PCDHGC4: variants seen among roughly 807,000 people sequenced by gnomAD.
PCDHGC4 encodes the protein protocadherin gamma subfamily C, 4, also known as protocadherin gamma-C4.
Under a neutral mutation model 59.7 loss-of-function variants are expected in PCDHGC4, and 15 were observed. That is an observed-to-expected ratio of 0.25 (90% CI 0.17 to 0.39). The LOEUF is 0.39. PCDHGC4 is among the 10% of genes least tolerant of loss of function. PCDHGC4 has a pLI of 1.00. For synonymous variants in PCDHGC4, 434 were observed against 481.4 expected (o/e 0.90, Z 1.29); for missense variants, 1,016 against 1,189.5 (o/e 0.85, Z 2.15).
At chr5:141,497,212 G>C (rs968445663) in intron 2 of PCDHGC4, among the ~76,000 whole-genome samples, 2 of 151,018 alleles carry the variant, frequency 1.3e-5, no homozygotes, top group East Asian at 3.9e-4. Context: ...AGTGTAATGG[G>C]GGGGGGAAGA....
At chr5:141,507,178 G>A (rs548016031) in intron 3 of PCDHGC4, 4 of 152,350 alleles carry the variant, frequency 2.6e-5, no homozygotes, top group East Asian at 3.9e-4. Flanking sequence ...CCTCTTCCTC[G>A]AGCTCTGCTT....
chr5:141,491,898 G>A lies in PCDHGC4; in HGVS notation c.2443-2909G>A, dbSNP rs772673872. 1.6e-5 allele frequency: 23 copies of A among 1,428,816 alleles called. No homozygotes were observed. The highest frequency in any genetic ancestry group is 3.0e-5 in the South Asian group (2 of 66,966). The allele number at this position is 1,428,816 out of a possible 1,614,324, so 88.5% of individuals were successfully genotyped here. A position where few individuals can be genotyped will look rare whatever the true frequency, so the allele number is the denominator to read the frequency against. ...ATTAAGGGATGGGGCTCCGAGCACC[G>A]GGGGTGGTGGCGACTGTGGGCGAGG... On this transcript the variant is annotated intron_variant, in intron 1 of 3. Coordinates refer to ENST00000306593, the MANE Select transcript of PCDHGC4 (RefSeq NM_018928.3). This position sits in a 1 kb window ranked among gnomAD's most constrained non-coding sequence, Gnocchi z 6.9.
At chr5:141,499,025 GAAGA>G (rs1309889371) in intron 2 of PCDHGC4, among the ~76,000 whole-genome samples, 11 of 140,712 alleles carry the variant, frequency 7.8e-5, no homozygotes, top group African/African-American at 2.6e-4. Flanking sequence ...AGGAAGGAAG[GAAGA>G]AAAGAAAGAA....
Position 141,490,749 on chromosome 5 carries a change from C to T in PCDHGC4, c.2442+3134C>T, listed in dbSNP as rs777124697. 3.1e-6 allele frequency: 5 copies of T among 1,614,098 alleles called. No individual in the cohort carries two copies. The South Asian group carries it at 5.5e-5, about 18-fold the overall frequency. ...GAAATCAGGTTCAGGGAGCCCCAGC[C>T]TCCTCCTTTGTGTATGTCAACCCAG... On this transcript the variant is annotated intron_variant, in intron 1 of 3. Coordinates refer to ENST00000306593, the MANE Select transcript of PCDHGC4 (RefSeq NM_018928.3). The surrounding 1 kb of genome is among the most constrained non-coding windows in gnomAD (Gnocchi z 5.4).
chr5:141,485,106 TGGCTGTTTGGGGCGGGTC>T lies in PCDHGC4; in HGVS notation c.-63_-46del. 1 of 1,206,448 alleles carries T rather than the reference TGGCTGTTTGGGGCGGGTC, an allele frequency of 8.3e-7. No homozygotes were observed. The highest frequency in any genetic ancestry group is 1.2e-6 in the Non-Finnish European group (1 of 828,284). 74.7% of individuals were successfully genotyped at this position (1,206,448 alleles called of 1,614,324 possible). Reference sequence around the variant, plus strand: ...GGGAGATAGGTGTCTCCAGCTGCTGTGGCTGTTTGGGGCGGGTCGGCTTCATCCGCGTCTCAGGAGCAA... The same window carrying T: ...GGGAGATAGGTGTCTCCAGCTGCTGTGGCTTCATCCGCGTCTCAGGAGCAA... On this transcript the variant is annotated 5_prime_UTR_variant, in exon 1 of 4. Coordinates refer to ENST00000306593, the MANE Select transcript of PCDHGC4 (RefSeq NM_018928.3). This position sits in a 1 kb window ranked among gnomAD's most constrained non-coding sequence, Gnocchi z 5.7.
Position 141,505,473 on chromosome 5 carries a change from C to T in PCDHGC4, c.2582C>T (p.Ser861Phe). The change falls in exon 3 of 4, where the codon TCC (serine) becomes TTC (phenylalanine). Residue 861 changes from serine to phenylalanine, a missense_variant. Transcript: ENST00000306593. Reference sequence around the variant, plus strand: ...ATGCTGCAAGCCATGATCTTGGCGTCCGCCAGTGGTAAGTGGTGTCAGTGT... The same window carrying T: ...ATGCTGCAAGCCATGATCTTGGCGTTCGCCAGTGGTAAGTGGTGTCAGTGT... ...TEMLQAMILA[S>F]ASEAADGSST... is the part of the protein sequence containing the mutation. The T allele has an allele frequency of 6.2e-7, 1 of 1,614,188 alleles. No homozygotes were observed. Among genetic ancestry groups the T allele is most frequent in the Non-Finnish European group, 8.5e-7 (1 of 1,180,014 alleles).
chr5:141,490,497 C>T lies in PCDHGC4; in HGVS notation c.2442+2882C>T. 8 of 1,614,196 alleles carry T rather than the reference C, an allele frequency of 5.0e-6. No individual in the cohort carries two copies. Among genetic ancestry groups the T allele is most frequent in the Non-Finnish European group, 6.8e-6 (8 of 1,180,038 alleles). ...CTTTGGACCGGGAGGCCACATCCCACTATATCATCGAGCTGCTGGCCAGCG... is the reference window on the plus strand; with the variant it reads ...CTTTGGACCGGGAGGCCACATCCCATTATATCATCGAGCTGCTGGCCAGCG... On this transcript the variant is annotated intron_variant, in intron 1 of 3. Transcript: ENST00000306593. The surrounding 1 kb of genome is among the most constrained non-coding windows in gnomAD (Gnocchi z 5.4).
intron 1 of PCDHGC4, 177 bp from the exon 2 acceptor site, chr5:141,494,630 C>T (rs991482599): frequency 5.8e-6 from 5 of 866,562 alleles, no homozygotes; most frequent in Non-Finnish European, 6.9e-6. Flanking sequence ...GTACCTCAGA[C>T]CTCTGAGACC....
At position 141,485,229 on chromosome 5, in the gene PCDHGC4, TC is replaced by T; in HGVS notation, c.58del (p.Leu20SerfsTer26). On this transcript the variant is annotated frameshift_variant, in exon 1 of 4. Transcript: ENST00000306593. LOFTEE classifies it high-confidence loss of function. The surrounding 1 kb of genome is among the most constrained non-coding windows in gnomAD (Gnocchi z 5.7). Reference protein sequence around the residue: ...TEIWRWATLLFLFYHLGYVCG... With the variant: ...TEIWRWATLLXLFYHLGYVCG... ...ATCTGGCGGTGGGCTACCCTTTTGT[TC>T]CTCTTTTACCACCTGGGTTACGTTT... 6.2e-7 allele frequency: 1 copy of T among 1,614,160 alleles called. No homozygotes were observed. The highest frequency in any genetic ancestry group is 8.5e-7 in the Non-Finnish European group (1 of 1,180,022).
chr5:141,486,506 A>C lies in PCDHGC4; in HGVS notation c.1333A>C (p.Ile445Leu). The C allele has an allele frequency of 6.2e-7, 1 of 1,614,134 alleles. No individual in the cohort carries two copies. The highest frequency in any genetic ancestry group is 8.5e-7 in the Non-Finnish European group (1 of 1,180,006). Reference sequence around the variant, plus strand: ...TACCCACAGAACTATTTTCCTCAATATTTCAGATGTGAATGATAATCCACC... The same window carrying C: ...TACCCACAGAACTATTTTCCTCAATCTTTCAGATGTGAATGATAATCCACC... The part of the protein sequence containing the change: ...LSTHRTIFLN[I>L]SDVNDNPPSF... Residue 445 changes from isoleucine to leucine, a missense_variant, in exon 1 of 4, where the codon ATT becomes CTT. Physicochemically the swap from Ile to Leu is conservative, Grantham distance 5 (BLOSUM62 2). Transcript: ENST00000306593. The surrounding 1 kb of genome is among the most constrained non-coding windows in gnomAD (Gnocchi z 5.0).
Position 141,485,813 on chromosome 5 carries a change from G to A in PCDHGC4, c.640G>A (p.Ala214Thr). The A allele has an allele frequency of 1.9e-6, 3 of 1,614,078 alleles. No individual in the cohort carries two copies. Among genetic ancestry groups the A allele is most frequent in the Non-Finnish European group, 2.5e-6 (3 of 1,180,008 alleles). The change falls in exon 1 of 4, where the codon GCT (alanine) becomes ACT (threonine). Residue 214 changes from alanine (A) to threonine (T), a missense_variant. Ala to Thr is a moderately conservative substitution (Grantham distance 58). Coordinates refer to ENST00000306593, the MANE Select transcript of PCDHGC4 (RefSeq NM_018928.3). This position sits in a 1 kb window ranked among gnomAD's most constrained non-coding sequence, Gnocchi z 5.7. ...ATCGGACTACCGCCTGGTGCTGACT[G>A]CTGTCGATGGAGGGAACCCGCCGAG... is the stretch of plus-strand genomic sequence containing the variant. ...KQSDYRLVLT[A>T]VDGGNPPRSG...
intron 3 of PCDHGC4, among the ~76,000 whole-genome samples, chr5:141,509,089 G>C (rs1366018197): frequency 6.6e-6 from 1 of 152,158 alleles, no homozygotes; most frequent in Non-Finnish European, 1.5e-5. Context: ...ACATGAAATG[G>C]GGGCTGTAGA....
chr5:141,485,922 G>C lies in PCDHGC4; in HGVS notation c.749G>C (p.Ser250Thr). 6.2e-7 allele frequency: 1 copy of C among 1,614,170 alleles called. No individual in the cohort carries two copies. The highest frequency in any genetic ancestry group is 8.5e-7 in the Non-Finnish European group (1 of 1,180,036). The change falls in exon 1 of 4, where the codon AGT becomes ACT. Residue 250 changes from serine to threonine, a missense_variant. By Grantham distance (58) the Ser-to-Thr change is moderately conservative (BLOSUM62 1). Transcript: ENST00000306593. This position sits in a 1 kb window ranked among gnomAD's most constrained non-coding sequence, Gnocchi z 5.7. The stretch of plus-strand genomic sequence containing the variant: ...TTCCAGCAATCCAGCTACAGGATTA[G>C]TGTGTTGGAGAGCGCACCAGCGGGC... ...PAFQQSSYRI[S>T]VLESAPAGMV...
chr5:141,487,688 G>T lies in PCDHGC4; in HGVS notation c.2442+73G>T, dbSNP rs376927186. ...AGGCATATGGCTAGGCCATGTCCTAGAGAGTACTGGCCTCTCAGTAAGTGC... is the reference window on the plus strand; with the variant it reads ...AGGCATATGGCTAGGCCATGTCCTATAGAGTACTGGCCTCTCAGTAAGTGC... On this transcript the variant is annotated intron_variant, in intron 1 of 3. Coordinates refer to ENST00000306593, the MANE Select transcript of PCDHGC4 (RefSeq NM_018928.3). The surrounding 1 kb of genome is among the most constrained non-coding windows in gnomAD (Gnocchi z 5.0). 1.2e-6 allele frequency: 2 copies of T among 1,604,966 alleles called. No individual in the cohort carries two copies.
intron 2 of PCDHGC4, among the ~76,000 whole-genome samples, chr5:141,504,259 G>A (rs1325093588): frequency 6.6e-6 from 1 of 152,126 alleles, no homozygotes; most frequent in Non-Finnish European, 1.5e-5. Flanking sequence ...TTATGGTTTA[G>A]TATTTTTTTA....
At position 141,487,147 on chromosome 5, in the gene PCDHGC4, T is replaced by C; in HGVS notation, c.1974T>C (p.Ser658=). 1 of 1,614,122 alleles carries C rather than the reference T, an allele frequency of 6.2e-7. No individual in the cohort carries two copies. Among genetic ancestry groups the C allele is most frequent in the Non-Finnish European group, 8.5e-7 (1 of 1,179,952 alleles). Residue 658 remains serine (S), a synonymous_variant, in exon 1 of 4, where the codon TCT becomes TCC. Transcript: ENST00000306593. This position sits in a 1 kb window ranked among gnomAD's most constrained non-coding sequence, Gnocchi z 5.0. ...GTGGTAGTCCACCACTCTCTACCTC[T>C]GTTACTCTCTTAGTGTCCTTAGAGG... The part of the protein sequence containing the change: ...KDSGSPPLST[S]VTLLVSLEED...
At chr5:141,504,666 G>T (rs2099839952) in intron 2 of PCDHGC4, among the ~76,000 whole-genome samples, 1 of 107,242 alleles carries the variant, frequency 9.3e-6, no homozygotes, top group South Asian at 3.6e-4. Context: ...AGGGCGGGGG[G>T]TGGGGGTTCT....
intron 2 of PCDHGC4, among the ~76,000 whole-genome samples, chr5:141,503,886 T>G (rs150106838): frequency 8.2e-4 from 125 of 152,290 alleles, no homozygotes; most frequent in African/African-American, 2.9e-3. Flanking sequence ...TCACCCACCA[T>G]GACAAAATAT....
intron 2 of PCDHGC4, among the ~76,000 whole-genome samples, chr5:141,496,505 A>G (rs1166234572): frequency 1.3e-5 from 2 of 152,144 alleles, no homozygotes; most frequent in Non-Finnish European, 2.9e-5. Flanking sequence ...TGTTGCCACA[A>G]GGACCCAGGA....
Sources: gnomAD v4.1 joint callset for allele counts (sites outside exome capture counted in the v4.1 genomes callset) on GRCh38, gnomAD v4.1.1 for gene constraint, Gnocchi (gnomAD v3.1) non-coding constraint, MANE v1.5 for transcripts, NCBI Gene and HGNC (gene_info 2026-07-23, HGNC 2026-07-21) for gene names.